Variants in PACRG observed in about 807,000 individuals in gnomAD.
PACRG encodes the protein parkin coregulated gene protein.
In PACRG, 29 loss-of-function variants were observed where a neutral mutation model predicts 29.7. That is an observed-to-expected ratio of 0.98 (90% CI 0.73 to 1.33). The LOEUF is 1.33. PACRG is among the 40% of genes most tolerant of loss of function. The probability of loss-of-function intolerance (pLI) is 0.00; values close to 1 mark genes in which losing one functional copy is unlikely to be tolerated. For synonymous variants in PACRG, 116 were observed against 118.7 expected (o/e 0.98, Z 0.15); for missense variants, 279 against 316.2 (o/e 0.88, Z 0.89).
intron 4 of PACRG, among the ~76,000 whole-genome samples, chr6:163,250,689 C>T (rs971732749): frequency 4.6e-5 from 7 of 152,120 alleles, no homozygotes; most frequent in South Asian, 2.1e-4. Flanking sequence ...AAAAAAGTCA[C>T]TATTAGAAAA....
intron 3 of PACRG, among the ~76,000 whole-genome samples, chr6:163,070,853 G>A (rs1410361639): frequency 6.6e-6 from 1 of 151,006 alleles, no homozygotes; most frequent in African/African-American, 2.4e-5. Flanking sequence ...ATAAAGAGAT[G>A]GAAAAAGATA....
intron 2 of PACRG, among the ~76,000 whole-genome samples, chr6:162,832,156 C>T (rs1788831225): frequency 6.6e-6 from 1 of 152,192 alleles, no homozygotes; most frequent in South Asian, 2.1e-4. Flanking sequence ...TCTCCATAGC[C>T]TCTCCAGAAT....
chr6:162,730,994 G>A (rs1276068752), intron 1 of PACRG, among the ~76,000 whole-genome samples: 1 of 152,114 alleles, frequency 6.6e-6, no homozygotes, highest in South Asian at 2.1e-4. Context: ...TTATCACGAA[G>A]CAAGTTAGAA....
intron 4 of PACRG, among the ~76,000 whole-genome samples, chr6:163,223,449 A>C (rs1007852244): frequency 2.0e-5 from 3 of 152,324 alleles, no homozygotes; most frequent in Middle Eastern, 3.4e-3. Flanking sequence ...AATACTGAGA[A>C]TAAAAATGTG....
At chr6:163,062,910 G>T (rs1297809532) in intron 3 of PACRG, among the ~76,000 whole-genome samples, 1 of 152,146 alleles carries the variant, frequency 6.6e-6, no homozygotes, top group Admixed American at 6.5e-5. Flanking sequence ...CCCTTGGACT[G>T]GTTGTCTAAG....
intron 4 of PACRG, among the ~76,000 whole-genome samples, chr6:163,186,181 T>C (rs1353199806): frequency 6.6e-6 from 1 of 152,204 alleles, no homozygotes; most frequent in Non-Finnish European, 1.5e-5. Flanking sequence ...GCCTTTTCTC[T>C]GGCAGGCTTT....
chr6:162,785,084 A>G (rs1161631848), intron 1 of PACRG, among the ~76,000 whole-genome samples: 1 of 152,040 alleles, frequency 6.6e-6, no homozygotes, highest in Non-Finnish European at 1.5e-5. Context: ...GATTTTATAT[A>G]TATGGCTTTC....
chr6:162,901,985 G>A (rs546224546), intron 2 of PACRG, among the ~76,000 whole-genome samples: 20 of 152,306 alleles, frequency 1.3e-4, no homozygotes, highest in South Asian at 1.0e-3. Flanking sequence ...ATGCCCAGGC[G>A]TATTGCCTGA....
intron 4 of PACRG, among the ~76,000 whole-genome samples, chr6:163,300,269 C>T (rs777403021): frequency 4.6e-5 from 7 of 152,294 alleles, no homozygotes; most frequent in Admixed American, 3.9e-4. Context: ...CTGCAGATGA[C>T]GTTGAATTTG....
intron 2 of PACRG, among the ~76,000 whole-genome samples, chr6:162,859,602 A>G (rs997356787): frequency 5.3e-5 from 8 of 152,134 alleles, no homozygotes; most frequent in African/African-American, 1.9e-4. Flanking sequence ...TCTTTGCCAA[A>G]GCAAACCATA....
intron 4 of PACRG, among the ~76,000 whole-genome samples, chr6:163,169,959 C>T (rs1778993771): frequency 6.6e-6 from 1 of 152,168 alleles, no homozygotes; most frequent in Non-Finnish European, 1.5e-5. Context: ...CTCACAGGGT[C>T]GTCCCTCCGT....
At chr6:163,004,513 T>A (rs945922844) in intron 2 of PACRG, among the ~76,000 whole-genome samples, 1 of 150,918 alleles carries the variant, frequency 6.6e-6, no homozygotes, top group Non-Finnish European at 1.5e-5. Flanking sequence ...TATAAAACCA[T>A]CAGTTCTCAT....
intron 4 of PACRG, among the ~76,000 whole-genome samples, chr6:163,164,686 C>T (rs1033131034): frequency 3.3e-5 from 5 of 152,186 alleles, no homozygotes; most frequent in African/African-American, 1.2e-4. Context: ...GCCACTGGCC[C>T]GTTTTTGGGG....
Position 163,121,106 on chromosome 6 carries a change from A to G in PACRG, c.613+31698A>G, listed in dbSNP as rs542303204. Among the ~76,000 whole-genome samples the G allele has an allele frequency of 1.4e-4, 21 of 152,348 alleles. No homozygotes were observed. The East Asian group carries it at 3.9e-3, about 28-fold the overall frequency. On this transcript the variant is annotated intron_variant, in intron 4 of 4. Transcript: ENST00000366888. ...GAAATAGCTACAGTTAATTCAGTAGATATTGTAGTGAATGAATGCCTGAAA... is the reference window on the plus strand; with the variant it reads ...GAAATAGCTACAGTTAATTCAGTAGGTATTGTAGTGAATGAATGCCTGAAA...
At chr6:163,082,707 T>G (rs1397642213) in intron 3 of PACRG, among the ~76,000 whole-genome samples, 1 of 152,234 alleles carries the variant, frequency 6.6e-6, no homozygotes. Context: ...ATAGTTTACT[T>G]CTTTAGTCAC....
intron 4 of PACRG, among the ~76,000 whole-genome samples, chr6:163,094,129 C>T (rs1814359184): frequency 1.3e-5 from 2 of 152,172 alleles, no homozygotes; most frequent in African/African-American, 4.8e-5. Context: ...TGATGAACTT[C>T]TGGGAATGGA....
At chr6:162,883,065 T>G (rs1357554303) in intron 2 of PACRG, among the ~76,000 whole-genome samples, 2 of 152,222 alleles carry the variant, frequency 1.3e-5, no homozygotes, top group African/African-American at 4.8e-5. Context: ...TCTGACAATA[T>G]GTATTCAGTT....
At chr6:163,142,393 A>G (rs1327676153) in intron 4 of PACRG, among the ~76,000 whole-genome samples, 1 of 152,178 alleles carries the variant, frequency 6.6e-6, no homozygotes, top group South Asian at 2.1e-4. Flanking sequence ...GTTGAAAGAA[A>G]TAATTTACTA....
intron 1 of PACRG, among the ~76,000 whole-genome samples, chr6:162,759,927 G>T (rs934725739): frequency 6.6e-6 from 1 of 152,192 alleles, no homozygotes; most frequent in African/African-American, 2.4e-5. Flanking sequence ...AGCAGGAATT[G>T]TGTGCATAGA....
Sources: allele counts gnomAD v4.1 joint callset (sites outside exome capture counted in the v4.1 genomes callset), GRCh38; gene constraint gnomAD v4.1.1; transcripts MANE v1.5; gene names NCBI Gene and HGNC (gene_info 2026-07-23, HGNC 2026-07-21).